RAB3GAP2: variants seen among roughly 807,000 people sequenced by gnomAD.
The protein encoded by RAB3GAP2 is RAB3 GTPase activating non-catalytic protein subunit 2, also known as rab3 GTPase-activating protein non-catalytic subunit.
A neutral mutation model predicts 185.3 loss-of-function variants in RAB3GAP2; 87 were observed. The observed-to-expected ratio is 0.47, with a 90% CI of 0.39 to 0.56. The LOEUF (loss-of-function observed/expected upper bound fraction) is 0.56. Ranked by LOEUF, RAB3GAP2 falls within the 20% of genes least tolerant of loss-of-function variation. RAB3GAP2 has a pLI of 0.00. For missense variants in RAB3GAP2, 1,492 were observed against 1,638.2 expected, an observed-to-expected ratio of 0.91 and a Z score of 1.54; for synonymous variants, 554 against 576.1, an observed-to-expected ratio of 0.96 and a Z score of 0.55.
intron 2 of RAB3GAP2, among the ~76,000 whole-genome samples, chr1:220,222,781 C>G (rs1344126390): frequency 6.6e-6 from 1 of 151,958 alleles, no homozygotes; most frequent in African/African-American, 2.4e-5. Flanking sequence ...CATATAGTGC[C>G]AAAGAAAAAC....
intron 1 of RAB3GAP2, among the ~76,000 whole-genome samples, chr1:220,249,092 CT>C (rs1659881398): frequency 6.6e-6 from 1 of 152,116 alleles, no homozygotes; most frequent in Non-Finnish European, 1.5e-5. Context: ...ATAAGGATAC[CT>C]GAAAATGTGG....
At chr1:220,206,044 T>A in intron 7 of RAB3GAP2, 38 bp from the exon 8 acceptor site, 1 of 1,275,170 alleles carries the variant, frequency 7.8e-7, no homozygotes, top group Non-Finnish European at 1.1e-6. Context: ...CTTGAATAGA[T>A]AAATAAGCTT....
In RAB3GAP2 at chr1:220,272,204, A is replaced by G. The variant is rs1479270199; in HGVS notation, c.115+19T>C. 1 of 1,577,718 alleles carries G rather than the reference A, an allele frequency of 6.3e-7. No individual in the cohort carries two copies. The highest frequency in any genetic ancestry group is 8.6e-7 in the Non-Finnish European group (1 of 1,157,024). ...GCGGGTGACGAGGGAAGGAAGGGCG[A>G]GGCCAGAGAGGCACTTACTGGGGTC... On this transcript the variant is annotated intron_variant, in intron 1 of 34. Coordinates refer to ENST00000358951, the MANE Select transcript of RAB3GAP2 (RefSeq NM_012414.4).
At chr1:220,208,050 T>A (rs997722608) in intron 7 of RAB3GAP2, 5 of 152,208 alleles carry the variant, frequency 3.3e-5, no homozygotes, top group African/African-American at 1.2e-4. Context: ...CTGTTTAACG[T>A]AGCATACAGA....
chr1:220,235,157 T>C (rs754666056), intron 1 of RAB3GAP2, among the ~76,000 whole-genome samples: 7 of 152,216 alleles, frequency 4.6e-5, no homozygotes, highest in African/African-American at 7.2e-5. Flanking sequence ...AAGTGGAGTT[T>C]ACAGTTAAGG....
chr1:220,226,365 T>C (rs1659402348), intron 2 of RAB3GAP2, among the ~76,000 whole-genome samples: 1 of 151,828 alleles, frequency 6.6e-6, no homozygotes, highest in South Asian at 2.1e-4. Context: ...CAAAATATTC[T>C]CCTCTAATTA....
intron 34 of RAB3GAP2, 55 bp from the exon 35 acceptor site, chr1:220,151,461 T>C (rs767194220): frequency 9.9e-6 from 16 of 1,608,462 alleles, no homozygotes; most frequent in East Asian, 4.5e-5. Flanking sequence ...ATAATTGTTA[T>C]TGACTTAAGA....
At chr1:220,199,812 A>G (rs894407830) in intron 9 of RAB3GAP2, among the ~76,000 whole-genome samples, 1 of 152,158 alleles carries the variant, frequency 6.6e-6, no homozygotes, top group East Asian at 1.9e-4. Flanking sequence ...TCCCTGAGCA[A>G]GTACAAAAGG....
At chr1:220,253,253 C>T (rs981732114) in intron 1 of RAB3GAP2, among the ~76,000 whole-genome samples, 1 of 152,188 alleles carries the variant, frequency 6.6e-6, no homozygotes, top group African/African-American at 2.4e-5. Context: ...TACATGTGGG[C>T]CAGCAACAGG....
rs1027538923 is a variant in RAB3GAP2, at chr1:220,209,369, ATCT to A, written c.612+1016_612+1018del. Reference sequence around the variant, plus strand: ...GTTCTACATTCGAATCTTCTCTCAAATCTTCTCCTGATTACCTGAAACACTTTC... The same window carrying A: ...GTTCTACATTCGAATCTTCTCTCAAATCTCCTGATTACCTGAAACACTTTC... On this transcript the variant is annotated intron_variant, in intron 7 of 34. Transcript: ENST00000358951. 9.9e-5 allele frequency among the ~76,000 whole-genome samples: 15 copies of A among 152,092 alleles called. 1 individual carries two copies. The highest frequency in any genetic ancestry group is 2.9e-5 in the Non-Finnish European group (2 of 68,002).
At chr1:220,191,000 T>A (rs1658607249) in intron 14 of RAB3GAP2, 68 bp downstream of exon 14, 1 of 1,414,138 alleles carries the variant, frequency 7.1e-7, no homozygotes, top group Non-Finnish European at 1.0e-6. Flanking sequence ...TTAGTAAAGC[T>A]TTATTTTAAT....
At chr1:220,225,997 CCT>C (rs2102888427) in intron 2 of RAB3GAP2, among the ~76,000 whole-genome samples, 1 of 152,298 alleles carries the variant, frequency 6.6e-6, no homozygotes, top group African/African-American at 2.4e-5. Context: ...TGACCAGCAC[CCT>C]GTTAATCTGC....
intron 26 of RAB3GAP2, among the ~76,000 whole-genome samples, 171 bp downstream of exon 26, chr1:220,167,122 G>A (rs1246917485): frequency 6.6e-6 from 1 of 152,148 alleles, no homozygotes; most frequent in African/African-American, 2.4e-5. Context: ...GGTTTACTGG[G>A]AGGATTGTAA....
intron 1 of RAB3GAP2, among the ~76,000 whole-genome samples, chr1:220,269,855 C>T (rs1181113788): frequency 6.6e-6 from 1 of 152,122 alleles, no homozygotes; most frequent in Non-Finnish European, 1.5e-5. Context: ...TATCATAGCC[C>T]AGGTTGAGAA....
chr1:220,272,212 G>C lies in RAB3GAP2; in HGVS notation c.115+11C>G, dbSNP rs375507434. On this transcript the variant is annotated intron_variant, in intron 1 of 34. Transcript: ENST00000358951. ...CGAGGGAAGGAAGGGCGAGGCCAGA[G>C]AGGCACTTACTGGGGTCCCTCCGCA... 1.4e-4 allele frequency: 221 copies of C among 1,592,174 alleles called. No homozygotes were observed. The highest frequency in any genetic ancestry group is 1.9e-4 in the Non-Finnish European group (219 of 1,167,808).
chr1:220,212,908 C>T lies in RAB3GAP2; in HGVS notation c.365G>A (p.Gly122Asp), dbSNP rs1659109842. 6.2e-7 allele frequency: 1 copy of T among 1,613,606 alleles called. No homozygotes were observed. The highest frequency in any genetic ancestry group is 8.5e-7 in the Non-Finnish European group (1 of 1,179,650). ...EEMQFAVGWS[G>D]SLNVEEGECV... ...CTACCCTTCTTCGACATTTAAGGAA[C>T]CACTCCAGCCAACAGCAAATTGCAT... The change falls in exon 4 of 35, where the codon GGT becomes GAT. Residue 122 changes from glycine to aspartate, a missense_variant. Coordinates refer to ENST00000358951, the MANE Select transcript of RAB3GAP2 (RefSeq NM_012414.4).
chr1:220,176,500 C>T (rs373730477), intron 21 of RAB3GAP2, among the ~76,000 whole-genome samples: 4 of 152,292 alleles, frequency 2.6e-5, no homozygotes, highest in East Asian at 1.9e-4. Context: ...GATCCTGCCA[C>T]CAAAACCATT....
intron 33 of RAB3GAP2, among the ~76,000 whole-genome samples, 192 bp from the exon 34 acceptor site, chr1:220,151,956 AT>A (rs562308739): frequency 1.3e-5 from 2 of 151,644 alleles, no homozygotes; most frequent in African/African-American, 2.4e-5. Flanking sequence ...TCCTTGGTTA[AT>A]TTTTTTTTCT....
chr1:220,272,165 C>G, intron 1 of RAB3GAP2, 58 bp downstream of exon 1: 1 of 1,436,362 alleles, frequency 7.0e-7, no homozygotes, highest in Non-Finnish European at 9.6e-7. Flanking sequence ...GACTCGAACC[C>G]GTGAGCAGAG....
Sources: gnomAD v4.1 joint callset for allele counts (sites outside exome capture counted in the v4.1 genomes callset) on GRCh38, gnomAD v4.1.1 for gene constraint, MANE v1.5 for transcripts, NCBI Gene and HGNC (gene_info 2026-07-23, HGNC 2026-07-21) for gene names.